The following FAXC variants were observed in gnomAD, a reference collection of about 807,000 sequenced individuals.
FAXC encodes the protein failed axon connections homolog, metaxin like GST domain containing, also known as failed axon connections homolog.
In FAXC, 10 loss-of-function variants were observed where a neutral mutation model predicts 41.9. The observed-to-expected ratio is 0.24, with a 90% CI of 0.15 to 0.41. The LOEUF (loss-of-function observed/expected upper bound fraction) is 0.41, where lower values mean the gene tolerates loss of function less well. Ranked by LOEUF, FAXC falls within the 10% of genes least tolerant of loss-of-function variation. FAXC has a pLI of 1.00. For synonymous variants in FAXC, 183 were observed against 183.8 expected, an observed-to-expected ratio of 1.00 and a Z score of 0.03; for missense variants, 399 against 510.9, an observed-to-expected ratio of 0.78 and a Z score of 2.11.
At chr6:99,347,984 A>G (rs1271687491) in intron 1 of FAXC, among the ~76,000 whole-genome samples, 1 of 152,218 alleles carries the variant, frequency 6.6e-6, no homozygotes, top group African/African-American at 2.4e-5. Context: ...TCCAAACCTA[A>G]ATGATTTCCC....
intron 5 of FAXC, among the ~76,000 whole-genome samples, chr6:99,291,465 C>T (rs1771238229): frequency 6.6e-6 from 1 of 152,202 alleles, no homozygotes; most frequent in Non-Finnish European, 1.5e-5. Flanking sequence ...ATCGCAGGAC[C>T]TATGTCAGCA....
chr6:99,285,916 T>C (rs1484418446), intron 5 of FAXC, among the ~76,000 whole-genome samples: 3 of 152,228 alleles, frequency 2.0e-5, no homozygotes, highest in Admixed American at 6.5e-5. Flanking sequence ...GCTGAAAACA[T>C]TGTCAACCAA....
intron 2 of FAXC, among the ~76,000 whole-genome samples, chr6:99,337,085 G>A (rs1773243461): frequency 6.6e-6 from 1 of 152,162 alleles, no homozygotes. Context: ...AAGTATTGCA[G>A]GATGATGTGT....
chr6:99,324,354 C>G (rs1017951708), intron 3 of FAXC, among the ~76,000 whole-genome samples: 1 of 152,108 alleles, frequency 6.6e-6, no homozygotes, highest in African/African-American at 2.4e-5. Flanking sequence ...AGGCATGCAC[C>G]ACCACACCTA....
At position 99,328,796 on chromosome 6, in the gene FAXC, A is replaced by T. The variant is rs74779926; in HGVS notation, c.599+4555T>A. ...CAGCATTAACCATTACAAAGCCTTGATGTCTGCCTCCAGCCTTTGAGCCAC... is the reference window on the plus strand; with the variant it reads ...CAGCATTAACCATTACAAAGCCTTGTTGTCTGCCTCCAGCCTTTGAGCCAC... On this transcript the variant is annotated intron_variant, in intron 3 of 5. Transcript: ENST00000389677. Among the ~76,000 whole-genome samples, 268 of 152,276 alleles carry T rather than the reference A, an allele frequency of 1.8e-3. 3 individuals carry two copies. In the East Asian group the frequency reaches 0.046, roughly 26 times the overall value.
intron 2 of FAXC, among the ~76,000 whole-genome samples, chr6:99,341,738 G>A (rs1773434452): frequency 6.6e-6 from 1 of 152,124 alleles, no homozygotes; most frequent in African/African-American, 2.4e-5. Flanking sequence ...CACTAAACGT[G>A]TTTAAGCAAG....
intron 4 of FAXC, among the ~76,000 whole-genome samples, chr6:99,315,258 A>C (rs1356847031): frequency 1.5e-5 from 2 of 134,810 alleles, no homozygotes; most frequent in Non-Finnish European, 3.1e-5. Context: ...AAAAAAAAAA[A>C]AAAACCAGTA....
chr6:99,285,222 G>A (rs1408801304), intron 5 of FAXC, among the ~76,000 whole-genome samples: 4 of 152,082 alleles, frequency 2.6e-5, no homozygotes, highest in African/African-American at 4.8e-5. Context: ...TATAATAAAA[G>A]CAGTGGTATG....
intron 2 of FAXC, among the ~76,000 whole-genome samples, chr6:99,340,949 G>A (rs895397039): frequency 4.6e-5 from 7 of 152,054 alleles, no homozygotes; most frequent in African/African-American, 1.2e-4. Flanking sequence ...GATTACAAGC[G>A]TGAGCCACCG....
At chr6:99,285,109 C>T (rs1462153799) in intron 5 of FAXC, among the ~76,000 whole-genome samples, 1 of 151,586 alleles carries the variant, frequency 6.6e-6, no homozygotes, top group Admixed American at 6.6e-5. Flanking sequence ...CAGAGGCATA[C>T]ATTGCTATAA....
chr6:99,300,383 G>A (rs1462075263), intron 4 of FAXC, among the ~76,000 whole-genome samples: 1 of 152,210 alleles, frequency 6.6e-6, no homozygotes, highest in African/African-American at 2.4e-5. Flanking sequence ...TCAGGATGAG[G>A]CAAATGCCTA....
intron 4 of FAXC, among the ~76,000 whole-genome samples, chr6:99,311,964 T>A (rs993246762): frequency 6.6e-6 from 1 of 152,208 alleles, no homozygotes; most frequent in East Asian, 1.9e-4. Flanking sequence ...CTCCATACTA[T>A]CCATGCCCAG....
intron 4 of FAXC, among the ~76,000 whole-genome samples, chr6:99,311,712 C>T (rs1200248172): frequency 1.3e-5 from 2 of 152,192 alleles, no homozygotes; most frequent in African/African-American, 4.8e-5. Context: ...AGTGGTCATC[C>T]AACCTCATCT....
intron 2 of FAXC, among the ~76,000 whole-genome samples, chr6:99,338,447 G>A (rs964823634): frequency 4.6e-5 from 7 of 152,158 alleles, no homozygotes; most frequent in Middle Eastern, 3.2e-3. Flanking sequence ...ACGGCTTGAA[G>A]GGCAGAAAGG....
chr6:99,317,328 C>T (rs1323452435), intron 4 of FAXC, among the ~76,000 whole-genome samples: 3 of 152,136 alleles, frequency 2.0e-5, no homozygotes, highest in African/African-American at 7.2e-5. Context: ...ACTCACAAGG[C>T]TCAGGATCTC....
chr6:99,347,299 G>A lies in FAXC; in HGVS notation c.266+1808C>T, dbSNP rs1773634919. Among the ~76,000 whole-genome samples, 4 of 152,016 alleles carry A rather than the reference G, an allele frequency of 2.6e-5. No homozygotes were observed. In the South Asian group the frequency reaches 8.3e-4, roughly 32 times the overall value. The stretch of plus-strand genomic sequence containing the variant: ...CGCCTGTAATCCCAGCTACTCAGGA[G>A]GCTGAGCCAGGAGAATCATTTGAAC... On this transcript the variant is annotated intron_variant, in intron 1 of 5. Coordinates refer to ENST00000389677, the MANE Select transcript of FAXC (RefSeq NM_032511.4).
At chr6:99,337,513 G>A (rs140610746) in intron 2 of FAXC, among the ~76,000 whole-genome samples, 203 of 152,240 alleles carry the variant, frequency 1.3e-3, no homozygotes, top group African/African-American at 4.6e-3. Flanking sequence ...TCTCCAGCTC[G>A]TAGGATATCA....
In FAXC at chr6:99,296,390, G is replaced by A. The variant is rs575763736; in HGVS notation, c.824-4570C>T. On this transcript the variant is annotated intron_variant, in intron 4 of 5. Transcript: ENST00000389677. ...TCATTTTTGGCAGGTGAACCATCCG[G>A]TGACTTCCATAGGATGGACAGAAGC... Among the ~76,000 whole-genome samples, 107 of 152,224 alleles carry A rather than the reference G, an allele frequency of 7.0e-4. 1 individual carries two copies. The highest frequency in any genetic ancestry group is 1.4e-3 in the Admixed American group (22 of 15,296).
chr6:99,348,129 G>A (rs1372290322), intron 1 of FAXC, among the ~76,000 whole-genome samples: 2 of 152,118 alleles, frequency 1.3e-5, no homozygotes, highest in East Asian at 1.9e-4. Context: ...ATAACCTATT[G>A]TGTAGGATTC....
Sources: gnomAD v4.1 joint callset for allele counts (sites outside exome capture counted in the v4.1 genomes callset) on GRCh38, gnomAD v4.1.1 for gene constraint, MANE v1.5 for transcripts, NCBI Gene and HGNC (gene_info 2026-07-23, HGNC 2026-07-21) for gene names.